The following ROCK2 variants were observed in gnomAD, a reference collection of about 807,000 sequenced individuals.
ROCK2 encodes Rho associated coiled-coil containing protein kinase 2.
A neutral mutation model predicts 195.1 loss-of-function variants in ROCK2; 61 were observed. The observed-to-expected ratio is 0.31, with a 90% CI of 0.25 to 0.39. The LOEUF is 0.39. ROCK2 is among the 10% of genes least tolerant of loss of function. The pLI is 1.00. For missense variants in ROCK2, 1,109 were observed against 1,637.4 expected (o/e 0.68, Z 5.57); for synonymous variants, 504 against 545.5 (o/e 0.92, Z 1.06).
At chr2:11,258,749 C>G (rs965665) in intron 3 of ROCK2, among the ~76,000 whole-genome samples, 129,631 of 150,788 alleles carry the variant, frequency 0.86, 56,606 homozygotes, top group East Asian at 0.99. Flanking sequence ...ATGCAGTTGA[C>G]TGGAGAAGGA....
At chr2:11,286,270 A>G (rs1667187013) in intron 3 of ROCK2, among the ~76,000 whole-genome samples, 1 of 54,000 alleles carries the variant, frequency 1.9e-5, no homozygotes, top group African/African-American at 4.4e-5. Flanking sequence ...TTCTAAATAA[A>G]AATACAACAG....
Position 11,254,727 on chromosome 2 carries a change from T to TAAAAAAAA in ROCK2, c.325-4937_325-4930dup, listed in dbSNP as rs10640683. ...TAGGCAACAGTGAGACCCTGTCTCT[T>TAAAAAAAA]AAAAAAAAAAAAAAAAAAAAAAAAA... On this transcript the variant is annotated intron_variant, in intron 3 of 32. Transcript: ENST00000315872. 9.2e-4 allele frequency among the ~76,000 whole-genome samples: 36 copies of TAAAAAAAA among 39,128 alleles called. 5 individuals carry two copies. The highest frequency in any genetic ancestry group is 4.4e-3 in the East Asian group (3 of 682). The allele number at this position is 39,128 out of a possible 152,430, so 25.7% of individuals were successfully genotyped here.
chr2:11,208,720 A>T (rs963453822), intron 18 of ROCK2, among the ~76,000 whole-genome samples: 1 of 151,280 alleles, frequency 6.6e-6, no homozygotes, highest in Non-Finnish European at 1.5e-5. Flanking sequence ...GCCTCCAGAC[A>T]TAACTCGGAT....
At chr2:11,302,404 C>T (rs916204606) in intron 1 of ROCK2, among the ~76,000 whole-genome samples, 13 of 151,414 alleles carry the variant, frequency 8.6e-5, no homozygotes, top group East Asian at 2.0e-4. Flanking sequence ...TTGCAACCTC[C>T]GCAAGTGATT....
intron 1 of ROCK2, among the ~76,000 whole-genome samples, chr2:11,332,548 G>A (rs1459119130): frequency 6.6e-6 from 1 of 152,130 alleles, no homozygotes; most frequent in Non-Finnish European, 1.5e-5. Flanking sequence ...ATTTGTCATT[G>A]GTAAAATGCA....
intron 3 of ROCK2, among the ~76,000 whole-genome samples, chr2:11,267,938 C>T (rs1249984946): frequency 1.3e-5 from 2 of 151,732 alleles, no homozygotes; most frequent in Admixed American, 6.6e-5. Flanking sequence ...TGAGCCACCG[C>T]GCCTGGCCCC....
chr2:11,240,904 C>T (rs898463299), intron 4 of ROCK2, among the ~76,000 whole-genome samples: 4 of 152,106 alleles, frequency 2.6e-5, no homozygotes, highest in Non-Finnish European at 5.9e-5. Context: ...AAATGGTAAA[C>T]ACAGCCACTA....
At chr2:11,321,167 A>G (rs1446916589) in intron 1 of ROCK2, among the ~76,000 whole-genome samples, 1 of 152,066 alleles carries the variant, frequency 6.6e-6, no homozygotes, top group Non-Finnish European at 1.5e-5. Context: ...AGCAAGGCAC[A>G]AAAGGATCAA....
intron 27 of ROCK2, among the ~76,000 whole-genome samples, chr2:11,196,965 T>C (rs141093783): frequency 1.3e-5 from 2 of 152,288 alleles, no homozygotes; most frequent in East Asian, 3.9e-4. Context: ...ACTAGACATG[T>C]GGAGTTTTTC....
chr2:11,344,121 G>C lies in ROCK2; in HGVS notation c.16C>G (p.Pro6Ala). 6.8e-7 allele frequency: 1 copy of C among 1,475,994 alleles called. No homozygotes were observed. The highest frequency in any genetic ancestry group is 8.9e-7 in the Non-Finnish European group (1 of 1,120,284). 91.4% of individuals were successfully genotyped at this position (1,475,994 alleles called of 1,614,324 possible). A position where few individuals can be genotyped will look rare whatever the true frequency, so the allele number is the denominator to read the frequency against. The change falls in exon 1 of 33, where the codon CCG becomes GCG. Residue 6 changes from proline to alanine, a missense_variant. Pro to Ala is a conservative substitution (Grantham distance 27). Coordinates refer to ENST00000315872, the MANE Select transcript of ROCK2 (RefSeq NM_004850.5). This position sits in a 1 kb window ranked among gnomAD's most constrained non-coding sequence, Gnocchi z 5.4. MSRPP[P>A]TGKMPGAPET... ...GGGGCGCCGGGCATTTTCCCCGTCG[G>C]CGGGGGCCGGCTCATGCCGCCACCG...
rs1358059623 is a variant in ROCK2, at chr2:11,222,181, A to G, written c.1008-7T>C. The G allele has an allele frequency of 2.7e-6, 4 of 1,502,264 alleles. No homozygotes were observed. The highest frequency in any genetic ancestry group is 9.2e-7 in the Non-Finnish European group (1 of 1,085,248). 93.1% of individuals were successfully genotyped at this position (1,502,264 alleles called of 1,614,324 possible). A position where few individuals can be genotyped will look rare whatever the true frequency, so the allele number is the denominator to read the frequency against. Reference sequence around the variant, plus strand: ...TCTCCCAAGTCGTACCTCCCTAAACAATGCAGTTAAAGATTGTATTATTTA... The same window carrying G: ...TCTCCCAAGTCGTACCTCCCTAAACGATGCAGTTAAAGATTGTATTATTTA... On this transcript the variant is annotated splice_polypyrimidine_tract_variant and splice_region_variant and intron_variant, in intron 7 of 32. Coordinates refer to ENST00000315872, the MANE Select transcript of ROCK2 (RefSeq NM_004850.5).
intron 1 of ROCK2, among the ~76,000 whole-genome samples, chr2:11,343,350 A>C (rs973044183): frequency 2.0e-5 from 3 of 152,212 alleles, no homozygotes; most frequent in African/African-American, 7.2e-5. Flanking sequence ...TATAGGAAAG[A>C]GACGCAATGA....
At chr2:11,269,034 C>T (rs1666528788) in intron 3 of ROCK2, among the ~76,000 whole-genome samples, 1 of 152,092 alleles carries the variant, frequency 6.6e-6, no homozygotes, top group African/African-American at 2.4e-5. Flanking sequence ...TCAAATCTGC[C>T]CCTTTGACTC....
chr2:11,295,478 C>CTTTTGGGG (rs937721833), intron 1 of ROCK2, among the ~76,000 whole-genome samples: 1 of 152,114 alleles, frequency 6.6e-6, no homozygotes. Context: ...AAAATACCCC[C>CTTTTGGGG]AAAAGGCCTG....
rs200846801 is a variant in ROCK2 at position 11,218,955 on chromosome 2, T to C, written c.1320+11A>G. On this transcript the variant is annotated intron_variant, in intron 10 of 32. Transcript: ENST00000315872. The stretch of plus-strand genomic sequence containing the variant: ...ACTAAAATAACTACAGCAGTAAAAA[T>C]GTATACGTACTTCATTTTTCCTTGA... The C allele has an allele frequency of 3.2e-4, 451 of 1,398,380 alleles. No homozygotes were observed. Among genetic ancestry groups the C allele is most frequent in the Non-Finnish European group, 4.2e-4 (431 of 1,015,422 alleles). 86.6% of individuals were successfully genotyped at this position (1,398,380 alleles called of 1,614,324 possible). A position where few individuals can be genotyped will look rare whatever the true frequency, so the allele number is the denominator to read the frequency against.
Position 11,179,881 on chromosome 2 carries a change from T to C in ROCK2, c.*3556A>G, listed in dbSNP as rs1662908846. 6.6e-6 allele frequency: 1 copy of C among 152,210 alleles called. No individual in the cohort carries two copies. The highest frequency in any genetic ancestry group is 1.5e-5 in the Non-Finnish European group (1 of 68,042). 9.4% of individuals were successfully genotyped at this position (152,210 alleles called of 1,614,324 possible). A position where few individuals can be genotyped will look rare whatever the true frequency, so the allele number is the denominator to read the frequency against. On this transcript the variant is annotated 3_prime_UTR_variant, in exon 33 of 33. Transcript: ENST00000315872. Reference sequence around the variant, plus strand: ...AAAAAAGAAAAAGGGGTGCAATTTTTTTCAGAGAGGACAGCTGATCAAATA... The same window carrying C: ...AAAAAAGAAAAAGGGGTGCAATTTTCTTCAGAGAGGACAGCTGATCAAATA...
rs1352418400 is a variant in ROCK2, at chr2:11,219,037, G to A, written c.1260-11C>T. ...GAGTCACTTAATAATCTACATGGAA[G>A]GGGGGAGAAAATAAATTTTTTCATT... On this transcript the variant is annotated splice_polypyrimidine_tract_variant and intron_variant, in intron 9 of 32. Transcript: ENST00000315872. 2.9e-6 allele frequency: 4 copies of A among 1,397,124 alleles called. No individual in the cohort carries two copies. The highest frequency in any genetic ancestry group is 3.9e-6 in the Non-Finnish European group (4 of 1,023,614). 86.5% of individuals were successfully genotyped at this position (1,397,124 alleles called of 1,614,324 possible).
intron 3 of ROCK2, among the ~76,000 whole-genome samples, chr2:11,262,173 T>A (rs1666250147): frequency 6.6e-6 from 1 of 152,134 alleles, no homozygotes; most frequent in Non-Finnish European, 1.5e-5. Flanking sequence ...TAGAAAAGAT[T>A]GCTACATCCC....
intron 1 of ROCK2, among the ~76,000 whole-genome samples, chr2:11,322,407 A>T (rs901172775): frequency 6.6e-6 from 1 of 151,188 alleles, no homozygotes; most frequent in Non-Finnish European, 1.5e-5. Context: ...TATATATATA[A>T]ATGCCAGAAA....
Sources: allele counts gnomAD v4.1 joint callset (sites outside exome capture counted in the v4.1 genomes callset), GRCh38; gene constraint gnomAD v4.1.1; non-coding constraint Gnocchi (gnomAD v3.1); transcripts MANE v1.5; gene names NCBI Gene and HGNC (gene_info 2026-07-23, HGNC 2026-07-21).